The following OR6K3 variants were observed in gnomAD, a reference collection of about 807,000 sequenced individuals.
The protein encoded by OR6K3 is olfactory receptor family 6 subfamily K member 3, also known as olfactory receptor 6K3.
For synonymous variants in OR6K3, 169 were observed against 137.7 expected, an observed-to-expected ratio of 1.23 and a Z score of -1.59; for missense variants, 396 against 382.5, an observed-to-expected ratio of 1.04 and a Z score of -0.29.
upstream of OR6K3, among the ~76,000 whole-genome samples, chr1:158,723,531 T>A (rs1656325283): frequency 6.6e-6 from 1 of 152,054 alleles, no homozygotes; most frequent in Admixed American, 6.6e-5. Flanking sequence ...AGATAACACT[T>A]ATTTTGCACA....
At chr1:158,723,302 T>G (rs2101987994), upstream of OR6K3, among the ~76,000 whole-genome samples, 1 of 152,020 alleles carries the variant, frequency 6.6e-6, no homozygotes, top group African/African-American at 2.4e-5. Flanking sequence ...ATAATTTTAT[T>G]CAACCAAATT....
At position 158,717,418 on chromosome 1, in the gene OR6K3, C is replaced by T; in HGVS notation, c.698G>A (p.Arg233Lys). The change falls in exon 2 of 2, where the codon AGG becomes AAG. Residue 233 changes from arginine (R) to lysine (K), a missense_variant. Physicochemically the swap from Arg to Lys is conservative, Grantham distance 26. Coordinates refer to ENST00000368145, the MANE Select transcript of OR6K3 (RefSeq NM_001005327.3). ...TGCACAGGTAGAAAAAGCCTTTTGC[C>T]TCCCTTCAGAAGAGGGAATCCTCAA... ...VILRIPSSEG[R>K]QKAFSTCAGH... The T allele has an allele frequency of 1.2e-6, 2 of 1,613,720 alleles. No individual in the cohort carries two copies. Among genetic ancestry groups the T allele is most frequent in the Non-Finnish European group, 1.7e-6 (2 of 1,179,782 alleles).
In OR6K3 at chr1:158,718,087, G is replaced by T. The variant is rs935760540; in HGVS notation, c.29C>A (p.Thr10Asn). Residue 10 changes from threonine to asparagine, a missense_variant, in exon 2 of 2, where the codon ACT becomes AAT. Thr to Asn is a moderately conservative substitution (Grantham distance 65, BLOSUM62 0). Transcript: ENST00000368145. ...AGGGAATCCAGTGAAGATAAATTCA[G>T]TCACTGTTGATTGGTTTCCGCTCTC... MESGNQSTV[T>N]EFIFTGFPQL... 9 of 1,612,276 alleles carry T rather than the reference G, an allele frequency of 5.6e-6. No homozygotes were observed. In the Admixed American group the frequency reaches 1.2e-4, roughly 21 times the overall value.
In OR6K3 at chr1:158,716,397, T is replaced by C. The variant is rs970423651; in HGVS notation, c.*771A>G. On this transcript the variant is annotated 3_prime_UTR_variant, in exon 2 of 2. Transcript: ENST00000368145. ...GAATAGGTAACTACATAACTAAAAATAAAGATATAACTTAATTAAATGTTG... is the reference window on the plus strand; with the variant it reads ...GAATAGGTAACTACATAACTAAAAACAAAGATATAACTTAATTAAATGTTG... 2 of 152,088 alleles carry C rather than the reference T, an allele frequency of 1.3e-5. No individual in the cohort carries two copies. Among genetic ancestry groups the C allele is most frequent in the Non-Finnish European group, 1.5e-5 (1 of 67,992 alleles). The allele number at this position is 152,088 out of a possible 1,614,324, so 9.4% of individuals were successfully genotyped here.
At position 158,717,817 on chromosome 1, in the gene OR6K3, T is replaced by A. The variant is rs764071247; in HGVS notation, c.299A>T (p.Gln100Leu). The A allele has an allele frequency of 6.2e-7, 1 of 1,613,820 alleles. No individual in the cohort carries two copies. Among genetic ancestry groups the A allele is most frequent in the African/African-American group, 1.3e-5 (1 of 75,020 alleles). The change falls in exon 2 of 2, where the codon CAG (glutamine) becomes CTG (leucine). Residue 100 changes from glutamine to leucine, a missense_variant. By Grantham distance (113) the Gln-to-Leu change is moderately radical. Coordinates refer to ENST00000368145, the MANE Select transcript of OR6K3 (RefSeq NM_001005327.3). The part of the protein sequence containing the change: ...KAISMTGCIL[Q>L]MYFFHSLENS... ...TTCAAGTGAGTGGAAGAAATACATC[T>A]GCAAGATGCAGCCAGTCATTGAGAT... is the stretch of plus-strand genomic sequence containing the variant.
At chr1:158,720,239 A>G (rs1463112138) in intron 1 of OR6K3, among the ~76,000 whole-genome samples, 1 of 151,968 alleles carries the variant, frequency 6.6e-6, no homozygotes, top group Non-Finnish European at 1.5e-5. Flanking sequence ...CAGGACAGTG[A>G]ATGTCTTTTA....
chr1:158,717,509 C>A lies in OR6K3; in HGVS notation c.607G>T (p.Ala203Ser), dbSNP rs1042022766. Residue 203 changes from alanine (A) to serine (S), a missense_variant, in exon 2 of 2, where the codon GCT becomes TCT. Ala to Ser is a moderately conservative substitution (Grantham distance 99). Coordinates refer to ENST00000368145, the MANE Select transcript of OR6K3 (RefSeq NM_001005327.3). ...AGGAAGGTAATGATGATGGTCACAG[C>A]ATGAATCACATCCTCAATCAGAATC... ...SMILIEDVIH[A>S]VTIIITFLII... is the part of the protein sequence containing the mutation. The A allele has an allele frequency of 6.2e-7, 1 of 1,613,476 alleles. No homozygotes were observed. Among genetic ancestry groups the A allele is most frequent in the Admixed American group, 1.7e-5 (1 of 59,942 alleles).
At position 158,717,824 on chromosome 1, in the gene OR6K3, T is replaced by C. The variant is rs1558014807; in HGVS notation, c.292A>G (p.Ile98Val). 5 of 1,613,860 alleles carry C rather than the reference T, an allele frequency of 3.1e-6. No individual in the cohort carries two copies. The highest frequency in any genetic ancestry group is 4.2e-6 in the Non-Finnish European group (5 of 1,179,832). Residue 98 changes from isoleucine (I) to valine (V), a missense_variant, in exon 2 of 2, where the codon ATC (isoleucine) becomes GTC (valine). Transcript: ENST00000368145. The stretch of plus-strand genomic sequence containing the variant: ...GAGTGGAAGAAATACATCTGCAAGA[T>C]GCAGCCAGTCATTGAGATGGCCTTC... ...EKKAISMTGC[I>V]LQMYFFHSLE...
In OR6K3 at chr1:158,717,723, G is replaced by C. The variant is rs574674816; in HGVS notation, c.393C>G (p.Arg131=). ...GCCGGGGGGTCATGATCATTTGATAGCGAAGAGGGTTGCAGATGGCAACGT... is the reference window on the plus strand; with the variant it reads ...GCCGGGGGGTCATGATCATTTGATACCGAAGAGGGTTGCAGATGGCAACGT... ...DRYVAICNPL[R]YQMIMTPRLC... is the part of the protein sequence containing the mutation. The change falls in exon 2 of 2, where the codon CGC becomes CGG. Residue 131 remains arginine, a synonymous_variant. Coordinates refer to ENST00000368145, the MANE Select transcript of OR6K3 (RefSeq NM_001005327.3). 1.2e-6 allele frequency: 2 copies of C among 1,613,842 alleles called. No individual in the cohort carries two copies. Among genetic ancestry groups the C allele is most frequent in the African/African-American group, 2.7e-5 (2 of 75,010 alleles).
At chr1:158,723,885 G>A (rs1463654883), upstream of OR6K3, among the ~76,000 whole-genome samples, 3 of 151,854 alleles carry the variant, frequency 2.0e-5, no homozygotes, top group Non-Finnish European at 4.4e-5. Context: ...TATGTTTAAT[G>A]GCTTAAACAT....
rs1483708581 is a variant in OR6K3, at chr1:158,717,971, C to CAGCAG, written c.140_144dup (p.Val49LeufsTer3). ...TTGTGGAGATGGGTGTCCAGCCTTA[C>CAGCAG]AGCAGAGAAGATTAATAAGTTATCA... On this transcript the variant is annotated frameshift_variant, in exon 2 of 2. Coordinates refer to ENST00000368145, the MANE Select transcript of OR6K3 (RefSeq NM_001005327.3). LOFTEE classifies it low-confidence loss of function (END_TRUNC). The CAGCAG allele has an allele frequency of 8.1e-6, 13 of 1,613,008 alleles. No individual in the cohort carries two copies. The highest frequency in any genetic ancestry group is 1.0e-5 in the Non-Finnish European group (12 of 1,179,424).
chr1:158,720,104 C>T (rs368139117), intron 1 of OR6K3, among the ~76,000 whole-genome samples: 20 of 152,100 alleles, frequency 1.3e-4, no homozygotes, highest in Middle Eastern at 6.8e-3. Context: ...TATTTTAAAA[C>T]CTTAGTGTTA....
chr1:158,719,264 A>G (rs1386781238), intron 1 of OR6K3, among the ~76,000 whole-genome samples: 1 of 151,750 alleles, frequency 6.6e-6, no homozygotes, highest in African/African-American at 2.4e-5. Context: ...TCTTTCTTAA[A>G]TTCTTTCCCA....
At chr1:158,722,668 C>T (rs1289252910), upstream of OR6K3, among the ~76,000 whole-genome samples, 2 of 151,974 alleles carry the variant, frequency 1.3e-5, no homozygotes, top group African/African-American at 4.8e-5. Flanking sequence ...TTCCCTCAGT[C>T]GGATCTCATG....
intron 1 of OR6K3, among the ~76,000 whole-genome samples, chr1:158,718,903 A>T (rs192821575): frequency 6.6e-6 from 1 of 152,092 alleles, no homozygotes; most frequent in Non-Finnish European, 1.5e-5. Flanking sequence ...GACAGTGTTT[A>T]ATAGGCAACT....
Position 158,717,773 on chromosome 1 carries a change from G to T in OR6K3, c.343C>A (p.Leu115Met). Reference protein sequence around the residue: ...HSLENSEGILLTTMAIDRYVA... With the variant: ...HSLENSEGILMTTMAIDRYVA... ...TATCTGTCAATGGCCATGGTGGTCA[G>T]CAAGATCCCCTCTGAGTTTTCAAGT... The change falls in exon 2 of 2, where the codon CTG becomes ATG. Residue 115 changes from leucine to methionine, a missense_variant. Coordinates refer to ENST00000368145, the MANE Select transcript of OR6K3 (RefSeq NM_001005327.3). The T allele has an allele frequency of 6.2e-7, 1 of 1,613,852 alleles. No individual in the cohort carries two copies. The highest frequency in any genetic ancestry group is 8.5e-7 in the Non-Finnish European group (1 of 1,179,820).
intron 1 of OR6K3, among the ~76,000 whole-genome samples, chr1:158,719,004 A>G (rs1399502997): frequency 6.6e-6 from 1 of 151,994 alleles, no homozygotes; most frequent in African/African-American, 2.4e-5. Context: ...TGCTGATACT[A>G]TACTGATCAC....
At position 158,717,987 on chromosome 1, in the gene OR6K3, T is replaced by C. The variant is rs1656206392; in HGVS notation, c.129A>G (p.Leu43=). The C allele has an allele frequency of 6.2e-7, 1 of 1,612,630 alleles. No individual in the cohort carries two copies. The highest frequency in any genetic ancestry group is 1.3e-5 in the African/African-American group (1 of 74,838). The stretch of plus-strand genomic sequence containing the variant: ...CCAGCCTTACAGCAGAGAAGATTAA[T>C]AAGTTATCAATGATAATAAAAGTAT... ...FIYTFIIIDN[L]LIFSAVRLDT... The change falls in exon 2 of 2, where the codon TTA becomes TTG. Residue 43 remains leucine, a synonymous_variant. Transcript: ENST00000368145.
chr1:158,721,088 A>G (rs1656273234), upstream of OR6K3, among the ~76,000 whole-genome samples: 2 of 152,002 alleles, frequency 1.3e-5, no homozygotes, highest in African/African-American at 4.8e-5. Context: ...TTATATGAAC[A>G]CACAGATTTG....
Sources: gnomAD v4.1 joint callset for allele counts (sites outside exome capture counted in the v4.1 genomes callset) on GRCh38, gnomAD v4.1.1 for gene constraint, MANE v1.5 for transcripts, NCBI Gene and HGNC (gene_info 2026-07-23, HGNC 2026-07-21) for gene names.